L3MBTL4: variants seen among roughly 807,000 people sequenced by gnomAD.
The protein encoded by L3MBTL4 is lethal(3)malignant brain tumor-like protein 4.
A neutral mutation model predicts 84.5 loss-of-function variants in L3MBTL4; 70 were observed. That is an observed-to-expected ratio of 0.83 (90% CI 0.68 to 1.01). L3MBTL4 has a LOEUF of 1.01. Among genes scored for constraint, L3MBTL4 ranks in the 50% least tolerant of loss-of-function variants. L3MBTL4 has a pLI of 0.00. For synonymous variants in L3MBTL4, 274 were observed against 259.8 expected, an observed-to-expected ratio of 1.05 and a Z score of -0.52; for missense variants, 715 against 754.8, an observed-to-expected ratio of 0.95 and a Z score of 0.62.
intron 16 of L3MBTL4, among the ~76,000 whole-genome samples, chr18:5,989,482 A>G (rs890661074): frequency 3.3e-5 from 5 of 152,234 alleles, no homozygotes; most frequent in Admixed American, 3.3e-4. Flanking sequence ...CATAACATTA[A>G]CAGGCCTTTA....
chr18:6,196,990 A>G (rs553776950), intron 12 of L3MBTL4, among the ~76,000 whole-genome samples: 35 of 152,358 alleles, frequency 2.3e-4, no homozygotes, highest in Non-Finnish European at 4.1e-4. Context: ...TCCATCCAAA[A>G]GGCAAGGCCA....
intron 1 of L3MBTL4, among the ~76,000 whole-genome samples, chr18:6,322,816 T>C (rs989357910): frequency 6.6e-6 from 1 of 152,090 alleles, no homozygotes; most frequent in Admixed American, 6.6e-5. Context: ...GAATAAGATC[T>C]AGTATTTGAT....
At chr18:6,306,314 T>C (rs192370485) in intron 3 of L3MBTL4, among the ~76,000 whole-genome samples, 2 of 152,334 alleles carry the variant, frequency 1.3e-5, no homozygotes, top group Admixed American at 6.5e-5. Flanking sequence ...GAGAATGAAA[T>C]ACTTCCATTT....
chr18:6,080,729 G>A (rs1473079399), intron 16 of L3MBTL4, 152 bp downstream of exon 16: 2 of 570,166 alleles, frequency 3.5e-6, no homozygotes, highest in Non-Finnish European at 6.1e-6. Flanking sequence ...CTCATTCACA[G>A]GGCGGGAACT....
At chr18:6,251,694 T>A (rs916227300) in intron 5 of L3MBTL4, among the ~76,000 whole-genome samples, 2 of 152,196 alleles carry the variant, frequency 1.3e-5, no homozygotes, top group Non-Finnish European at 2.9e-5. Flanking sequence ...TTTTATTTCA[T>A]AATTATAAAT....
At chr18:6,382,819 C>A (rs976979566) in intron 1 of L3MBTL4, among the ~76,000 whole-genome samples, 1 of 152,182 alleles carries the variant, frequency 6.6e-6, no homozygotes, top group Non-Finnish European at 1.5e-5. Context: ...GGCAGTCTGA[C>A]CCTTAGCAGA....
intron 1 of L3MBTL4, among the ~76,000 whole-genome samples, chr18:6,321,889 C>G (rs2051423260): frequency 2.0e-5 from 3 of 151,790 alleles, no homozygotes; most frequent in Non-Finnish European, 4.4e-5. Flanking sequence ...CCTTTGGAGA[C>G]TCAGAACGGG....
intron 4 of L3MBTL4, among the ~76,000 whole-genome samples, chr18:6,289,689 T>C (rs1242516401): frequency 6.6e-6 from 1 of 152,132 alleles, no homozygotes. Flanking sequence ...ACTCTCTACT[T>C]CAACTTTTTT....
chr18:5,968,540 A>G (rs553001802), intron 17 of L3MBTL4, among the ~76,000 whole-genome samples: 2 of 150,602 alleles, frequency 1.3e-5, no homozygotes, highest in Non-Finnish European at 2.9e-5. Context: ...TCCACAAAAC[A>G]AAAAAAATTA....
chr18:6,350,325 G>A (rs2053121646), intron 1 of L3MBTL4, among the ~76,000 whole-genome samples: 3 of 152,136 alleles, frequency 2.0e-5, no homozygotes, highest in African/African-American at 4.8e-5. Flanking sequence ...CACCGAATGG[G>A]AGAAAATATT....
intron 8 of L3MBTL4, among the ~76,000 whole-genome samples, chr18:6,241,012 T>C (rs2047428407): frequency 6.6e-6 from 1 of 152,244 alleles, no homozygotes; most frequent in South Asian, 2.1e-4. Context: ...CAAAGCCTAC[T>C]TAGAGTATCT....
chr18:6,355,004 T>A (rs1340251892), intron 1 of L3MBTL4, among the ~76,000 whole-genome samples: 4 of 152,180 alleles, frequency 2.6e-5, no homozygotes, highest in Non-Finnish European at 5.9e-5. Flanking sequence ...GTAGCACTGT[T>A]CACAATAGCC....
chr18:6,058,716 T>A (rs1218910168), intron 16 of L3MBTL4, among the ~76,000 whole-genome samples: 1 of 152,168 alleles, frequency 6.6e-6, no homozygotes, highest in Non-Finnish European at 1.5e-5. Context: ...AGAACTGCTT[T>A]ACTTTGGGGG....
chr18:6,292,178 C>T (rs187095784), intron 4 of L3MBTL4, among the ~76,000 whole-genome samples: 1 of 152,172 alleles, frequency 6.6e-6, no homozygotes, highest in Non-Finnish European at 1.5e-5. Flanking sequence ...ATAAATTCAA[C>T]ACAGTCATAA....
At chr18:6,359,847 G>A (rs1050070870) in intron 1 of L3MBTL4, among the ~76,000 whole-genome samples, 1 of 151,872 alleles carries the variant, frequency 6.6e-6, no homozygotes, top group Non-Finnish European at 1.5e-5. Flanking sequence ...CTCCTAGTGT[G>A]GGGGGCAAGC....
intron 4 of L3MBTL4, among the ~76,000 whole-genome samples, chr18:6,287,307 C>T (rs1219829325): frequency 6.6e-6 from 1 of 152,072 alleles, no homozygotes; most frequent in Admixed American, 6.6e-5. Flanking sequence ...ATAAGACTCA[C>T]ACCTCAATTG....
chr18:6,245,089 C>A (rs376697260), intron 5 of L3MBTL4, among the ~76,000 whole-genome samples: 1 of 152,032 alleles, frequency 6.6e-6, no homozygotes, highest in Admixed American at 6.6e-5. Context: ...TTAGTAGAGA[C>A]GGGGTTTCAC....
chr18:6,215,454 C>T (rs2046283663), intron 11 of L3MBTL4, among the ~76,000 whole-genome samples: 1 of 152,080 alleles, frequency 6.6e-6, no homozygotes, highest in Non-Finnish European at 1.5e-5. Context: ...ACTCAGCAGA[C>T]TAATAGAACC....
chr18:6,221,256 C>A (rs2145884568), intron 10 of L3MBTL4, among the ~76,000 whole-genome samples: 1 of 152,248 alleles, frequency 6.6e-6, no homozygotes, highest in South Asian at 2.1e-4. Context: ...AGAAGCAGAA[C>A]AACCACAATT....
Sources: gnomAD v4.1 joint callset for allele counts (sites outside exome capture counted in the v4.1 genomes callset) on GRCh38, gnomAD v4.1.1 for gene constraint, MANE v1.5 for transcripts, NCBI Gene and HGNC (gene_info 2026-07-23, HGNC 2026-07-21) for gene names.